The following CR1 variants were observed in gnomAD, a reference collection of about 807,000 sequenced individuals.
CR1 encodes the protein complement receptor type 1.
In CR1, 116 loss-of-function variants were observed where a neutral mutation model predicts 187.3. That is an observed-to-expected ratio of 0.62 (90% CI 0.53 to 0.72). CR1 has a LOEUF of 0.72. Among genes scored for constraint, CR1 ranks in the 30% least tolerant of loss-of-function variants. The probability of loss-of-function intolerance (pLI) is 0.00; values close to 1 mark genes in which losing one functional copy is unlikely to be tolerated. For synonymous variants in CR1, 576 were observed against 747.1 expected (o/e 0.77, Z 3.73); for missense variants, 1,731 against 2,110.7 (o/e 0.82, Z 3.52).
intron 35 of CR1, chr1:207,600,936 G>A (rs1661586732): frequency 6.6e-6 from 1 of 152,098 alleles, no homozygotes; most frequent in Non-Finnish European, 1.5e-5. Flanking sequence ...TTTCTGGGGT[G>A]CTGATGCCAA....
At chr1:207,582,667 A>G (rs2102346716) in intron 32 of CR1, among the ~76,000 whole-genome samples, 1 of 152,330 alleles carries the variant, frequency 6.6e-6, no homozygotes, top group South Asian at 2.1e-4. Context: ...GCAGCAATCT[A>G]ATCAGAGATG....
intron 35 of CR1, among the ~76,000 whole-genome samples, chr1:207,592,534 C>T (rs1661302179): frequency 1.3e-5 from 2 of 152,138 alleles, no homozygotes; most frequent in Non-Finnish European, 2.9e-5. Flanking sequence ...AAAACCAGCA[C>T]AAGACAAGGA....
At chr1:207,579,883 G>C (rs563793851) in intron 29 of CR1, among the ~76,000 whole-genome samples, 2 of 152,146 alleles carry the variant, frequency 1.3e-5, no homozygotes, top group Non-Finnish European at 2.9e-5. Context: ...TGCCTGTCCC[G>C]AAACAGTATG....
At position 207,575,502 on chromosome 1, in the gene CR1, G is replaced by A. The variant is rs114372207; in HGVS notation, c.4452-93G>A. 4,547 of 1,516,680 alleles carry A rather than the reference G, an allele frequency of 3.0e-3. 136 individuals carry two copies. In the African/African-American group the frequency reaches 0.055, roughly 18 times the overall value. The allele number at this position is 1,516,680 out of a possible 1,614,324, so 94.0% of individuals were successfully genotyped here. On this transcript the variant is annotated intron_variant, in intron 27 of 46. Coordinates refer to ENST00000367049, the MANE Select transcript of CR1 (RefSeq NM_000651.6). ...TTAGGCTAGGCCTTAGACTTCTCCT[G>A]CATTGTAATCCTTCTGGTTTGCCAC... is the stretch of plus-strand genomic sequence containing the variant.
At chr1:207,599,375 A>G (rs1292115422) in intron 35 of CR1, among the ~76,000 whole-genome samples, 1 of 152,222 alleles carries the variant, frequency 6.6e-6, no homozygotes, top group Non-Finnish European at 1.5e-5. Context: ...AATTTGAGGA[A>G]AAGGAGCCCT....
chr1:207,603,301 G>A (rs372979223), intron 35 of CR1, among the ~76,000 whole-genome samples: 67 of 152,130 alleles, frequency 4.4e-4, no homozygotes, highest in South Asian at 1.7e-3. Flanking sequence ...AAGATCATGC[G>A]GTATTAGTTC....
At chr1:207,499,143 T>C (rs1659189087) in intron 1 of CR1, among the ~76,000 whole-genome samples, 3 of 151,964 alleles carry the variant, frequency 2.0e-5, no homozygotes, top group African/African-American at 2.4e-5. Flanking sequence ...ATAGACAATA[T>C]ATATGAAAAG....
At chr1:207,587,931 AG>A (rs1661161253) in intron 34 of CR1, among the ~76,000 whole-genome samples, 1 of 152,222 alleles carries the variant, frequency 6.6e-6, no homozygotes, top group Admixed American at 6.5e-5. Flanking sequence ...CAAAAGAATT[AG>A]AGAGAAAATT....
chr1:207,620,937 G>C (rs56116727), intron 43 of CR1, among the ~76,000 whole-genome samples: 5,975 of 152,152 alleles, frequency 0.039, 388 homozygotes, highest in African/African-American at 0.13. Context: ...TTTGCACCAG[G>C]ATAAGAAGAG....
chr1:207,498,697 A>G (rs1659164548), intron 1 of CR1, among the ~76,000 whole-genome samples: 1 of 151,696 alleles, frequency 6.6e-6, no homozygotes, highest in Non-Finnish European at 1.5e-5. Context: ...TGGCCAACAT[A>G]GTGAAACCCT....
chr1:207,609,441 A>G lies in CR1; in HGVS notation c.6048A>G (p.Ile2016Met), dbSNP rs1341215006. 6.2e-7 allele frequency: 1 copy of G among 1,614,034 alleles called. No homozygotes were observed. The change falls in exon 37 of 47, where the codon ATA becomes ATG. Residue 2016 changes from isoleucine (I) to methionine (M), a missense_variant. Coordinates refer to ENST00000367049, the MANE Select transcript of CR1 (RefSeq NM_000651.6). The part of the protein sequence containing the change: ...QLFELVGERS[I>M]YCTSKDDQVG... Reference sequence around the variant, plus strand: ...TTGAGCTTGTGGGAGAACGGTCAATATATTGCACCAGCAAAGATGATCAAG... The same window carrying G: ...TTGAGCTTGTGGGAGAACGGTCAATGTATTGCACCAGCAAAGATGATCAAG...
intron 27 of CR1, 135 bp from the exon 28 acceptor site, chr1:207,575,460 G>A: frequency 9.2e-7 from 1 of 1,085,524 alleles, no homozygotes. Context: ...AGAAGAGCTG[G>A]AAACAATAGG....
intron 31 of CR1, among the ~76,000 whole-genome samples, chr1:207,581,074 C>A (rs551264106): frequency 6.8e-6 from 1 of 147,972 alleles, no homozygotes; most frequent in East Asian, 2.0e-4. Flanking sequence ...AAACAATGGC[C>A]GAAATACAAA....
At chr1:207,523,569 A>G (rs1424328643) in intron 4 of CR1, 42 bp from the exon 5 acceptor site, 2 of 1,611,564 alleles carry the variant, frequency 1.2e-6, no homozygotes, top group Middle Eastern at 1.8e-4. Flanking sequence ...GTCATTCATT[A>G]TTTAAACTGA....
chr1:207,504,575 T>C (rs1659372343), intron 1 of CR1, among the ~76,000 whole-genome samples: 1 of 152,022 alleles, frequency 6.6e-6, no homozygotes, highest in African/African-American at 2.4e-5. Context: ...TATTAACAGA[T>C]TGGATTCACT....
chr1:207,623,634 A>G (rs74153332), intron 45 of CR1, among the ~76,000 whole-genome samples: 5,809 of 139,276 alleles, frequency 0.042, 382 homozygotes, highest in African/African-American at 0.15. Context: ...ACACACACAC[A>G]CACAGCATTT....
chr1:207,620,062 T>G lies in CR1; in HGVS notation c.7249T>G (p.Ser2417Ala). Residue 2417 changes from serine to alanine, a missense_variant, in exon 43 of 47, where the codon TCT becomes GCT. This residue lies in a region of CR1 where 1,312 missense variants were observed against 1,379.6 expected (regional missense o/e 0.95). Coordinates refer to ENST00000367049, the MANE Select transcript of CR1 (RefSeq NM_000651.6). ...RWDPPLAKCT[S>A]RTHDALIVGT... ...GGACCCTCCTCTGGCCAAATGTACC[T>G]CTCGTAAGTGCAAGTGCAAGGAATG... 1 of 1,607,926 alleles carries G rather than the reference T, an allele frequency of 6.2e-7. No homozygotes were observed. The highest frequency in any genetic ancestry group is 1.3e-5 in the African/African-American group (1 of 74,690).
intron 4 of CR1, among the ~76,000 whole-genome samples, chr1:207,521,909 T>G (rs1297063864): frequency 1.3e-5 from 2 of 151,186 alleles, no homozygotes; most frequent in African/African-American, 2.4e-5. Context: ...GCTCAAACGA[T>G]CCACTCTCCT....
intron 39 of CR1, among the ~76,000 whole-genome samples, chr1:207,613,028 C>A (rs943260138): frequency 1.3e-5 from 2 of 152,212 alleles, no homozygotes; most frequent in East Asian, 1.9e-4. Flanking sequence ...TGCTTCCTTT[C>A]GCGTGGTACA....
Sources: gnomAD v4.1 joint callset for allele counts (sites outside exome capture counted in the v4.1 genomes callset) on GRCh38, gnomAD v4.1.1 for gene constraint, gnomAD v4.1.1 regional missense constraint, MANE v1.5 for transcripts, NCBI Gene and HGNC (gene_info 2026-07-23, HGNC 2026-07-21) for gene names.